TLK1: variants seen among roughly 807,000 people sequenced by gnomAD.
The protein encoded by TLK1 is serine/threonine-protein kinase tousled-like 1.
TLK1 carries 24 observed loss-of-function variants against 105.3 expected under a neutral mutation model. The observed-to-expected ratio is 0.23, with a 90% CI of 0.17 to 0.32. The LOEUF is 0.32. Among genes scored for constraint, TLK1 ranks in the 10% least tolerant of loss-of-function variants. TLK1 has a pLI of 1.00. For synonymous variants in TLK1, 321 were observed against 310.4 expected (o/e 1.03, Z -0.36); for missense variants, 558 against 910.5 (o/e 0.61, Z 4.98).
intron 3 of TLK1, among the ~76,000 whole-genome samples, chr2:171,073,872 TC>T (rs147208196): frequency 0.052 from 3,582 of 68,852 alleles, 197 homozygotes; most frequent in African/African-American, 0.13. Flanking sequence ...AACTTAACAT[TC>T]CCCCCCCCCC....
At chr2:171,188,873 T>TAA (rs35406910) in intron 1 of TLK1, among the ~76,000 whole-genome samples, 5 of 125,526 alleles carry the variant, frequency 4.0e-5, no homozygotes, top group Admixed American at 2.4e-4. Context: ...AGATTCTGTC[T>TAA]AAAAAAAAAA....
At chr2:171,136,069 T>C (rs895584888) in intron 1 of TLK1, among the ~76,000 whole-genome samples, 1 of 152,136 alleles carries the variant, frequency 6.6e-6, no homozygotes, top group African/African-American at 2.4e-5. Context: ...AAGCAACCCA[T>C]GTCCAATCAA....
rs191633019 is a variant in TLK1, at chr2:171,152,714, C to T, written c.139+7576G>A. Reference sequence around the variant, plus strand: ...CTTGTCCATCAGGTTATAAAGCCTCCACAATAAATAGACTGCTCCGATACT... The same window carrying T: ...CTTGTCCATCAGGTTATAAAGCCTCTACAATAAATAGACTGCTCCGATACT... On this transcript the variant is annotated intron_variant, in intron 1 of 20. Transcript: ENST00000431350. 3.0e-3 allele frequency among the ~76,000 whole-genome samples: 460 copies of T among 152,182 alleles called. 1 individual carries two copies. The highest frequency in any genetic ancestry group is 5.0e-3 in the Non-Finnish European group (337 of 68,008).
intron 2 of TLK1, among the ~76,000 whole-genome samples, chr2:171,090,083 T>G (rs562719509): frequency 6.6e-6 from 1 of 152,342 alleles, no homozygotes; most frequent in East Asian, 1.9e-4. Flanking sequence ...CTTCCAATAT[T>G]TGAATATTGC....
chr2:171,106,970 C>A (rs1558945460), intron 2 of TLK1, among the ~76,000 whole-genome samples: 2 of 152,198 alleles, frequency 1.3e-5, no homozygotes, highest in Admixed American at 6.5e-5. Context: ...AGTCCAGGTG[C>A]AAATCAGGAT....
At chr2:171,053,358 A>G (rs565558226) in intron 8 of TLK1, among the ~76,000 whole-genome samples, 1 of 152,010 alleles carries the variant, frequency 6.6e-6, no homozygotes, top group Non-Finnish European at 1.5e-5. Flanking sequence ...ATTGAGTTCT[A>G]GCTACAGAAT....
At chr2:171,218,919 T>C (rs1040109355) in intron 1 of TLK1, among the ~76,000 whole-genome samples, 1 of 152,188 alleles carries the variant, frequency 6.6e-6, no homozygotes, top group Non-Finnish European at 1.5e-5. Context: ...GTAAATTTTA[T>C]ATTTTGTGTA....
intron 1 of TLK1, among the ~76,000 whole-genome samples, chr2:171,196,963 A>G (rs567936362): frequency 6.6e-6 from 1 of 152,368 alleles, no homozygotes; most frequent in East Asian, 1.9e-4. Context: ...TATAGCTAGA[A>G]GCTACATTTC....
chr2:171,171,002 A>C (rs1692715680), intron 1 of TLK1, among the ~76,000 whole-genome samples: 1 of 152,250 alleles, frequency 6.6e-6, no homozygotes, highest in Non-Finnish European at 1.5e-5. Flanking sequence ...ACCAAACACA[A>C]AAATATATTC....
At chr2:171,004,572 A>G (rs1489627786) in intron 18 of TLK1, among the ~76,000 whole-genome samples, 1 of 152,174 alleles carries the variant, frequency 6.6e-6, no homozygotes, top group East Asian at 1.9e-4. Context: ...TGTCCCTCGA[A>G]CATCTGTAAA....
In TLK1 at chr2:171,007,689, C is replaced by G. The variant is rs190053037; in HGVS notation, c.1417-626G>C. Among the ~76,000 whole-genome samples the G allele has an allele frequency of 3.9e-4, 59 of 152,122 alleles. No individual in the cohort carries two copies. In the East Asian group the frequency reaches 0.01, roughly 27 times the overall value. ...ACCCTTGCATCCCACCCTTCCCAAC[C>G]AGAGTATTATTAAAACAAATACATT... On this transcript the variant is annotated intron_variant, in intron 14 of 20. Transcript: ENST00000431350.
chr2:171,193,261 T>TA (rs1404406837), intron 1 of TLK1, among the ~76,000 whole-genome samples: 1 of 152,166 alleles, frequency 6.6e-6, no homozygotes, highest in African/African-American at 2.4e-5. Context: ...AATGAAAGTC[T>TA]ACTCTAGGAG....
At chr2:171,021,817 G>A (rs563825961) in intron 12 of TLK1, among the ~76,000 whole-genome samples, 26 of 152,090 alleles carry the variant, frequency 1.7e-4, no homozygotes, top group African/African-American at 6.0e-4. Context: ...TAAACACTGT[G>A]GATCAGGCAC....
At chr2:171,221,088 A>C (rs17283355) in intron 1 of TLK1, among the ~76,000 whole-genome samples, 30,939 of 152,090 alleles carry the variant, frequency 0.2, 3,274 homozygotes, top group South Asian at 0.25. Flanking sequence ...ATCTCTAGGA[A>C]TAAGTAATGG....
chr2:171,128,708 T>C (rs1377331254), intron 1 of TLK1, among the ~76,000 whole-genome samples: 1 of 152,176 alleles, frequency 6.6e-6, no homozygotes, highest in Non-Finnish European at 1.5e-5. Context: ...GACAATCTGC[T>C]ATTTTTAAAA....
chr2:171,159,723 C>G (rs898440982), intron 1 of TLK1: 1 of 152,320 alleles, frequency 6.6e-6, no homozygotes, highest in Admixed American at 6.5e-5. Flanking sequence ...GGGGGCCACA[C>G]AGGGGATCAA....
chr2:171,144,696 T>C (rs1378970366), intron 1 of TLK1, among the ~76,000 whole-genome samples: 4 of 152,116 alleles, frequency 2.6e-5, no homozygotes, highest in Non-Finnish European at 4.4e-5. Flanking sequence ...ACAGCTATAA[T>C]GCCTATATTA....
intron 2 of TLK1, among the ~76,000 whole-genome samples, chr2:171,098,385 A>G (rs893806863): frequency 2.0e-5 from 3 of 152,222 alleles, no homozygotes; most frequent in African/African-American, 4.8e-5. Flanking sequence ...CTATTTGTCA[A>G]TCATACCTCA....
At chr2:171,045,130 GT>G (rs1686885153) in intron 11 of TLK1, 1 of 152,058 alleles carries the variant, frequency 6.6e-6, no homozygotes, top group Non-Finnish European at 1.5e-5. Flanking sequence ...CCTGATACAG[GT>G]GTGGATGGGA....
Sources: allele counts gnomAD v4.1 joint callset (sites outside exome capture counted in the v4.1 genomes callset), GRCh38; gene constraint gnomAD v4.1.1; transcripts MANE v1.5; gene names NCBI Gene and HGNC (gene_info 2026-07-23, HGNC 2026-07-21).